The following SCLT1 variants were observed in gnomAD, a reference collection of about 807,000 sequenced individuals.
The protein encoded by SCLT1 is sodium channel-associated protein 1.
Under a neutral mutation model 112.8 loss-of-function variants are expected in SCLT1, and 78 were observed. That is an observed-to-expected ratio of 0.69 (90% CI 0.58 to 0.83). The LOEUF (loss-of-function observed/expected upper bound fraction) is 0.83. SCLT1 is among the 40% of genes least tolerant of loss of function. The probability of loss-of-function intolerance (pLI) is 0.00; values close to 1 mark genes in which losing one functional copy is unlikely to be tolerated. For missense variants in SCLT1, 747 were observed against 770.4 expected, an observed-to-expected ratio of 0.97 and a Z score of 0.36; for synonymous variants, 257 against 254.7, an observed-to-expected ratio of 1.01 and a Z score of -0.09.
intron 17 of SCLT1, among the ~76,000 whole-genome samples, chr4:128,938,641 C>T (rs1737413771): frequency 6.6e-6 from 1 of 152,050 alleles, no homozygotes; most frequent in African/African-American, 2.4e-5. Flanking sequence ...AGGTGGAAAA[C>T]AAAAAGTACA....
At chr4:129,054,896 G>A (rs72685321) in intron 2 of SCLT1, among the ~76,000 whole-genome samples, 41,812 of 151,990 alleles carry the variant, frequency 0.28, 6,056 homozygotes, top group South Asian at 0.36. Flanking sequence ...ATTTATCTAC[G>A]TGGTGGATTT....
chr4:129,034,631 A>T (rs1441510145), intron 5 of SCLT1, among the ~76,000 whole-genome samples: 1 of 151,222 alleles, frequency 6.6e-6, no homozygotes, highest in Middle Eastern at 3.2e-3. Context: ...AATTTCAAAA[A>T]AACTTTTTAG....
intron 6 of SCLT1, among the ~76,000 whole-genome samples, chr4:129,000,612 T>C (rs941470004): frequency 3.3e-5 from 5 of 152,016 alleles, no homozygotes; most frequent in African/African-American, 1.2e-4. Flanking sequence ...ATCCTTGCTC[T>C]AAGGGCTAAT....
At chr4:129,090,158 A>C (rs1467633315) in intron 1 of SCLT1, among the ~76,000 whole-genome samples, 4 of 152,238 alleles carry the variant, frequency 2.6e-5, no homozygotes, top group Non-Finnish European at 5.9e-5. Context: ...AAATATTAAA[A>C]ACTACAAAGT....
intron 10 of SCLT1, among the ~76,000 whole-genome samples, chr4:128,969,792 T>G (rs1289296533): frequency 6.6e-6 from 1 of 152,152 alleles, no homozygotes; most frequent in African/African-American, 2.4e-5. Flanking sequence ...ATCCAAGTTT[T>G]AAAATTGTTA....
chr4:129,039,020 AC>A lies in SCLT1; in HGVS notation c.290+20del. On this transcript the variant is annotated intron_variant, in intron 5 of 20. Coordinates refer to ENST00000281142, the MANE Select transcript of SCLT1 (RefSeq NM_144643.4). ...ACCTAAGACAATAATAAAAGATAAA[AC>A]CAATAGTTAATTGATTTACCTTTCA... is the stretch of plus-strand genomic sequence containing the variant. The A allele has an allele frequency of 7.4e-7, 1 of 1,355,872 alleles. No homozygotes were observed. The highest frequency in any genetic ancestry group is 1.1e-6 in the Non-Finnish European group (1 of 947,346). The allele number at this position is 1,355,872 out of a possible 1,614,324, so 84.0% of individuals were successfully genotyped here.
intron 9 of SCLT1, among the ~76,000 whole-genome samples, chr4:128,977,720 G>A (rs1015670988): frequency 6.6e-6 from 1 of 151,982 alleles, no homozygotes; most frequent in South Asian, 2.1e-4. Flanking sequence ...CAATTAAGAC[G>A]GAACGTATCA....
intron 4 of SCLT1, chr4:129,040,245 C>T (rs767474527): frequency 2.8e-6 from 2 of 702,670 alleles, no homozygotes; most frequent in Admixed American, 4.0e-5. Context: ...TGGATTAATT[C>T]ACTACCAGAT....
chr4:129,042,457 A>C (rs1235270857), intron 4 of SCLT1, among the ~76,000 whole-genome samples: 1 of 152,140 alleles, frequency 6.6e-6, no homozygotes, highest in Admixed American at 6.5e-5. Context: ...CCATTCTGCA[A>C]GTAATGGGAG....
chr4:128,948,458 T>A (rs1399867057), intron 15 of SCLT1, 38 bp downstream of exon 15: 2 of 1,593,680 alleles, frequency 1.3e-6, no homozygotes, highest in Admixed American at 1.7e-5. Flanking sequence ...ATATTTGCAG[T>A]TGGGTTTTAG....
intron 2 of SCLT1, among the ~76,000 whole-genome samples, chr4:129,072,062 C>G (rs1263839298): frequency 6.6e-6 from 1 of 152,070 alleles, no homozygotes. Context: ...CTGTATCTTT[C>G]CTTGATATGA....
intron 18 of SCLT1, among the ~76,000 whole-genome samples, chr4:128,897,972 AC>A (rs1439079796): frequency 6.6e-6 from 1 of 152,218 alleles, no homozygotes; most frequent in African/African-American, 2.4e-5. Flanking sequence ...AGAAGAGCTA[AC>A]TATCTTAAAT....
At chr4:128,920,052 C>T (rs927259638) in intron 18 of SCLT1, among the ~76,000 whole-genome samples, 8 of 151,926 alleles carry the variant, frequency 5.3e-5, no homozygotes, top group Middle Eastern at 3.4e-3. Context: ...TTCTATGAGG[C>T]CATAATCATC....
At chr4:128,983,626 G>A (rs1741856548) in intron 9 of SCLT1, among the ~76,000 whole-genome samples, 1 of 152,144 alleles carries the variant, frequency 6.6e-6, no homozygotes, top group Non-Finnish European at 1.5e-5. Flanking sequence ...ATAACTGGAG[G>A]TTTGAGGAGG....
intron 2 of SCLT1, among the ~76,000 whole-genome samples, chr4:129,070,391 T>G (rs1750892245): frequency 7.0e-6 from 1 of 143,876 alleles, no homozygotes; most frequent in Non-Finnish European, 1.5e-5. Context: ...GGTCCTGGAC[T>G]TTTTTTTTTG....
chr4:129,082,472 G>A, intron 1 of SCLT1, 99 bp from the exon 2 acceptor site: 1 of 592,278 alleles, frequency 1.7e-6, no homozygotes, highest in Non-Finnish European at 2.8e-6. Context: ...ATGCAAAACG[G>A]CTAGTCTTCA....
chr4:129,007,800 A>G (rs1301520895), intron 5 of SCLT1, among the ~76,000 whole-genome samples: 2 of 152,140 alleles, frequency 1.3e-5, no homozygotes, highest in African/African-American at 4.8e-5. Context: ...AAAAAAACAA[A>G]ACAAAACACC....
chr4:128,992,553 A>G (rs1000739227), intron 8 of SCLT1, among the ~76,000 whole-genome samples: 2 of 151,966 alleles, frequency 1.3e-5, no homozygotes, highest in Non-Finnish European at 2.9e-5. Context: ...CCCTGTTCTG[A>G]GCAGCCTGAC....
intron 5 of SCLT1, among the ~76,000 whole-genome samples, chr4:129,032,144 T>C (rs1382508656): frequency 6.6e-6 from 1 of 152,010 alleles, no homozygotes; most frequent in Non-Finnish European, 1.5e-5. Context: ...CAGATATATA[T>C]AGACCAATGG....
Sources: gnomAD v4.1 joint callset for allele counts (sites outside exome capture counted in the v4.1 genomes callset) on GRCh38, gnomAD v4.1.1 for gene constraint, MANE v1.5 for transcripts, NCBI Gene and HGNC (gene_info 2026-07-23, HGNC 2026-07-21) for gene names.